Variants in GLRA1 observed in about 807,000 individuals in gnomAD.
GLRA1 encodes glycine receptor subunit alpha-1.
GLRA1 carries 37 observed loss-of-function variants against 48.3 expected under a neutral mutation model. The observed-to-expected ratio is 0.77, with a 90% CI of 0.59 to 1.01. GLRA1 has a LOEUF of 1.01. Ranked by LOEUF, GLRA1 falls within the 50% of genes least tolerant of loss-of-function variation. The probability of loss-of-function intolerance (pLI) is 0.00; values close to 1 mark genes in which losing one functional copy is unlikely to be tolerated. For missense variants in GLRA1, 427 were observed against 571.0 expected, an observed-to-expected ratio of 0.75 and a Z score of 2.57; for synonymous variants, 196 against 210.7, an observed-to-expected ratio of 0.93 and a Z score of 0.60.
intron 1 of GLRA1, among the ~76,000 whole-genome samples, chr5:151,913,502 T>A (rs2113455874): frequency 6.6e-6 from 1 of 152,282 alleles, no homozygotes. Flanking sequence ...CAGTGGGGGC[T>A]GTGTGCGGCA....
rs769149313 is a variant in GLRA1, at chr5:151,924,575, C to T, written c.-26G>A. On this transcript the variant is annotated 5_prime_UTR_variant, in exon 1 of 9. Transcript: ENST00000274576. ...TTTTCAGGTCCTTGTGCTTTGTAGT[C>T]CACGAGTTATGGGGGCAAAAATGTT... 3 of 1,501,322 alleles carry T rather than the reference C, an allele frequency of 2.0e-6. No individual in the cohort carries two copies. The highest frequency in any genetic ancestry group is 1.1e-5 in the South Asian group (1 of 88,864). 93.0% of individuals were successfully genotyped at this position (1,501,322 alleles called of 1,614,324 possible). A position where few individuals can be genotyped will look rare whatever the true frequency, so the allele number is the denominator to read the frequency against.
At chr5:151,901,020 A>G (rs1485304235) in intron 1 of GLRA1, among the ~76,000 whole-genome samples, 1 of 152,224 alleles carries the variant, frequency 6.6e-6, no homozygotes, top group Non-Finnish European at 1.5e-5. Context: ...TGGAGTCCAA[A>G]GAGTCCTAAA....
intron 1 of GLRA1, among the ~76,000 whole-genome samples, chr5:151,902,116 A>G (rs188967345): frequency 6.6e-6 from 1 of 152,338 alleles, no homozygotes; most frequent in Non-Finnish European, 1.5e-5. Flanking sequence ...GGAACAATGT[A>G]ATTGATAATC....
At chr5:151,920,045 C>T (rs1404720605) in intron 1 of GLRA1, among the ~76,000 whole-genome samples, 1 of 152,200 alleles carries the variant, frequency 6.6e-6, no homozygotes, top group Non-Finnish European at 1.5e-5. Flanking sequence ...GCAGTGTCTC[C>T]CCTTTCTGCA....
At chr5:151,885,257 A>G (rs747915468) in intron 3 of GLRA1, among the ~76,000 whole-genome samples, 37 of 152,232 alleles carry the variant, frequency 2.4e-4, no homozygotes, top group Admixed American at 3.3e-4. Flanking sequence ...AAAACTGTTG[A>G]GTATCTGTTA....
chr5:151,910,396 A>G (rs371993439), intron 1 of GLRA1, among the ~76,000 whole-genome samples: 17 of 152,350 alleles, frequency 1.1e-4, no homozygotes, highest in African/African-American at 3.8e-4. Context: ...CCATGGTCTC[A>G]TTCTCAAGAG....
Position 151,924,794 on chromosome 5 carries a change from C to A in GLRA1, c.-245G>T. The A allele has an allele frequency of 3.4e-6, 2 of 590,282 alleles. No individual in the cohort carries two copies. The highest frequency in any genetic ancestry group is 1.9e-5 in the African/African-American group (1 of 53,524). 36.6% of individuals were successfully genotyped at this position (590,282 alleles called of 1,614,324 possible). A position where few individuals can be genotyped will look rare whatever the true frequency, so the allele number is the denominator to read the frequency against. ...AGCGTCCAGACCTGCTTTTCAGGAGCGCGAAGAGTATTGCTGTTTGTTAAA... is the reference window on the plus strand; with the variant it reads ...AGCGTCCAGACCTGCTTTTCAGGAGAGCGAAGAGTATTGCTGTTTGTTAAA... On this transcript the variant is annotated 5_prime_UTR_variant, in exon 1 of 9. Transcript: ENST00000274576.
chr5:151,895,344 A>G (rs994653717), intron 1 of GLRA1, among the ~76,000 whole-genome samples: 3 of 152,118 alleles, frequency 2.0e-5, no homozygotes, highest in Admixed American at 2.0e-4. Flanking sequence ...TGTGATGTGT[A>G]TATTGCATGT....
At chr5:151,916,434 G>A (rs1344179834) in intron 1 of GLRA1, among the ~76,000 whole-genome samples, 1 of 152,202 alleles carries the variant, frequency 6.6e-6, no homozygotes, top group Non-Finnish European at 1.5e-5. Context: ...CAATAAACAC[G>A]CAGCTCTCAG....
At chr5:151,891,467 A>T (rs974990116) in intron 2 of GLRA1, among the ~76,000 whole-genome samples, 2 of 152,214 alleles carry the variant, frequency 1.3e-5, no homozygotes, top group Non-Finnish European at 2.9e-5. Flanking sequence ...AGTCTCACAT[A>T]GATCTCGGTA....
intron 7 of GLRA1, chr5:151,849,954 C>T: frequency 6.3e-7 from 1 of 1,583,056 alleles, no homozygotes; most frequent in South Asian, 1.1e-5. Context: ...AGTAAGGACC[C>T]TACAAGCTGG....
intron 7 of GLRA1, among the ~76,000 whole-genome samples, chr5:151,837,682 C>T (rs1364632982): frequency 6.6e-6 from 1 of 152,134 alleles, no homozygotes; most frequent in Non-Finnish European, 1.5e-5. Context: ...AAGCTGGAAA[C>T]CATTATTCTC....
intron 8 of GLRA1, among the ~76,000 whole-genome samples, chr5:151,827,361 T>TC (rs1338354672): frequency 6.6e-6 from 1 of 152,148 alleles, no homozygotes; most frequent in East Asian, 1.9e-4. Context: ...AACGTCGGCC[T>TC]CCTCCCTGTG....
chr5:151,882,722 GTTT>G, intron 3 of GLRA1, among the ~76,000 whole-genome samples: 1 of 140,304 alleles, frequency 7.1e-6, no homozygotes, highest in South Asian at 2.3e-4. Context: ...AATTTCTTAA[GTTT>G]TTTTTTTTTT....
intron 8 of GLRA1, among the ~76,000 whole-genome samples, chr5:151,826,595 G>A (rs773077118): frequency 1.3e-5 from 2 of 152,192 alleles, no homozygotes; most frequent in African/African-American, 2.4e-5. Flanking sequence ...CATGGAAGGA[G>A]TGGATAGGGT....
Position 151,829,023 on chromosome 5 carries a change from C to T in GLRA1, c.957G>A (p.Leu319=). 1 of 1,614,058 alleles carries T rather than the reference C, an allele frequency of 6.2e-7. No homozygotes were observed. ...KAIDIWMAVC[L]LFVFSALLEY... Reference sequence around the variant, plus strand: ...CTAATAGGGCTGAGAACACAAAGAGCAGGCAAACTGCCATCCAAATGTCAA... The same window carrying T: ...CTAATAGGGCTGAGAACACAAAGAGTAGGCAAACTGCCATCCAAATGTCAA... Residue 319 remains leucine (L), a synonymous_variant, in exon 8 of 9, where the codon CTG becomes CTA. Transcript: ENST00000274576.
chr5:151,895,142 G>GTGACC, intron 1 of GLRA1, among the ~76,000 whole-genome samples: 1 of 152,158 alleles, frequency 6.6e-6, no homozygotes, highest in Admixed American at 6.5e-5. Context: ...GTTTGCAGAT[G>GTGACC]CATAGTGAAT....
At position 151,855,105 on chromosome 5, in the gene GLRA1, G is replaced by A; in HGVS notation, c.632C>T (p.Thr211Ile). ...TTCCTTCAAGATAAACTGGGGCAGA[G>A]TTAGTCCATCTGCTACCTGCACGGC... Reference protein sequence around the residue: ...QGAVQVADGLTLPQFILKEEK... With the variant: ...QGAVQVADGLILPQFILKEEK... Residue 211 changes from threonine to isoleucine, a missense_variant, in exon 6 of 9, where the codon ACT becomes ATT. Physicochemically the swap from Thr to Ile is moderately conservative, Grantham distance 89 (BLOSUM62 -1). Around this residue, in one of 4 missense-constraint regions of GLRA1, gnomAD observed 271 missense variants for 434.9 expected, o/e 0.62. Coordinates refer to ENST00000274576, the MANE Select transcript of GLRA1 (RefSeq NM_000171.4). The A allele has an allele frequency of 1.2e-6, 2 of 1,613,568 alleles. No homozygotes were observed. Among genetic ancestry groups the A allele is most frequent in the African/African-American group, 1.3e-5 (1 of 75,042 alleles).
At chr5:151,848,518 C>T (rs1323167238) in intron 7 of GLRA1, among the ~76,000 whole-genome samples, 3 of 152,150 alleles carry the variant, frequency 2.0e-5, no homozygotes, top group African/African-American at 7.2e-5. Context: ...AAGCGCGGGC[C>T]ACCATGCCTG....
Sources: gnomAD v4.1 joint callset for allele counts (sites outside exome capture counted in the v4.1 genomes callset) on GRCh38, gnomAD v4.1.1 for gene constraint, gnomAD v4.1.1 regional missense constraint, MANE v1.5 for transcripts, NCBI Gene and HGNC (gene_info 2026-07-23, HGNC 2026-07-21) for gene names.